PAPPA2: variants seen among roughly 807,000 people sequenced by gnomAD.
PAPPA2 encodes the protein pappalysin 2.
In PAPPA2, 86 loss-of-function variants were observed where a neutral mutation model predicts 176.4. The observed-to-expected ratio is 0.49, with a 90% confidence interval of 0.41 to 0.58. PAPPA2 has a LOEUF of 0.58. Ranked by LOEUF, PAPPA2 falls within the 20% of genes least tolerant of loss-of-function variation. The pLI is 0.00. For missense variants in PAPPA2, 2,073 were observed against 2,256.9 expected (o/e 0.92, Z 1.65); for synonymous variants, 809 against 852.2 (o/e 0.95, Z 0.88).
Position 176,705,784 on chromosome 1 carries a change from A to G in PAPPA2, c.3366-575A>G, listed in dbSNP as rs77476603. ...TAGCTGTAACCAGGTGGTAGTAGGG[A>G]GTAAAGACAGGGACCTGAGCCCTAA... On this transcript the variant is annotated intron_variant, in intron 9 of 22. Transcript: ENST00000367662. Among the ~76,000 whole-genome samples the G allele has an allele frequency of 3.9e-5, 6 of 152,320 alleles. 1 individual carries two copies. The East Asian group carries it at 1.2e-3, about 29-fold the overall frequency.
chr1:176,705,737 G>A (rs1175081882), intron 9 of PAPPA2, among the ~76,000 whole-genome samples: 1 of 152,078 alleles, frequency 6.6e-6, no homozygotes, highest in Non-Finnish European at 1.5e-5. Flanking sequence ...CTCAGCATTT[G>A]TTTCTTCCCT....
At chr1:176,528,103 G>A (rs182867253) in intron 1 of PAPPA2, among the ~76,000 whole-genome samples, 2 of 152,322 alleles carry the variant, frequency 1.3e-5, no homozygotes, top group East Asian at 3.9e-4. Context: ...GCCAAGCTTG[G>A]CATTCAAATG....
chr1:176,721,170 C>G (rs1486089225), intron 12 of PAPPA2, among the ~76,000 whole-genome samples: 1 of 152,178 alleles, frequency 6.6e-6, no homozygotes, highest in Non-Finnish European at 1.5e-5. Flanking sequence ...AATTTACCAT[C>G]ACAGTGAGCT....
chr1:176,723,022 A>G (rs1413766561), intron 12 of PAPPA2, among the ~76,000 whole-genome samples: 1 of 152,226 alleles, frequency 6.6e-6, no homozygotes, highest in African/African-American at 2.4e-5. Flanking sequence ...TAAGAAGTCT[A>G]AGAGCATGGT....
chr1:176,595,172 A>G lies in PAPPA2; in HGVS notation c.1568A>G (p.Lys523Arg). 6.2e-7 allele frequency: 1 copy of G among 1,614,218 alleles called. No homozygotes were observed. Among genetic ancestry groups the G allele is most frequent in the Non-Finnish European group, 8.5e-7 (1 of 1,180,040 alleles). ...GGATACTGGCCCCTTCGGGGAGAGAAGGTGATACGCTACCAGGTGGTGAAC... is the reference window on the plus strand; with the variant it reads ...GGATACTGGCCCCTTCGGGGAGAGAGGGTGATACGCTACCAGGTGGTGAAC... The part of the protein sequence containing the change: ...YNGYWPLRGE[K>R]VIRYQVVNIC... Residue 523 changes from lysine to arginine, a missense_variant, in exon 3 of 23, where the codon AAG (lysine) becomes AGG (arginine). Coordinates refer to ENST00000367662, the MANE Select transcript of PAPPA2 (RefSeq NM_020318.3).
Position 176,557,060 on chromosome 1 carries a change from C to G in PAPPA2, c.738C>G (p.Gly246=), listed in dbSNP as rs760018265. Residue 246 remains glycine (G), a synonymous_variant, in exon 2 of 23, where the codon GGC becomes GGG. Coordinates refer to ENST00000367662, the MANE Select transcript of PAPPA2 (RefSeq NM_020318.3). ...PEESNQNGGE[G]SYREAETFNS... is the part of the protein sequence containing the mutation. ...AAAGCAACCAAAATGGTGGAGAGGG[C>G]TCCTACCGAGAAGCAGAGACCTTTA... 8 of 1,614,004 alleles carry G rather than the reference C, an allele frequency of 5.0e-6. No homozygotes were observed. Among genetic ancestry groups the G allele is most frequent in the Non-Finnish European group, 6.8e-6 (8 of 1,180,018 alleles).
chr1:176,815,837 T>C (rs561793837), intron 21 of PAPPA2, among the ~76,000 whole-genome samples: 27 of 152,182 alleles, frequency 1.8e-4, no homozygotes, highest in African/African-American at 6.5e-4. Flanking sequence ...TGATCAGCCT[T>C]CCACTGAATC....
At chr1:176,683,701 A>G (rs1486225639) in intron 4 of PAPPA2, among the ~76,000 whole-genome samples, 2 of 152,062 alleles carry the variant, frequency 1.3e-5, no homozygotes, top group African/African-American at 2.4e-5. Context: ...GGTTCTCATC[A>G]CAGGGACACC....
At chr1:176,791,525 C>A (rs775795552) in intron 19 of PAPPA2, 43 bp downstream of exon 19, 2 of 1,576,934 alleles carry the variant, frequency 1.3e-6, no homozygotes, top group Non-Finnish European at 1.7e-6. Flanking sequence ...CTATGTCATT[C>A]TTTTATTAAG....
At chr1:176,670,567 T>C (rs1658935482) in intron 3 of PAPPA2, among the ~76,000 whole-genome samples, 1 of 152,166 alleles carries the variant, frequency 6.6e-6, no homozygotes, top group Non-Finnish European at 1.5e-5. Flanking sequence ...AATTCAAGGA[T>C]CATGCAGTGT....
intron 1 of PAPPA2, among the ~76,000 whole-genome samples, chr1:176,476,517 T>G (rs1308106149): frequency 6.6e-6 from 1 of 152,220 alleles, no homozygotes; most frequent in Non-Finnish European, 1.5e-5. Context: ...GGATGGAGTC[T>G]GAGTGGGCCA....
intron 3 of PAPPA2, among the ~76,000 whole-genome samples, chr1:176,642,735 G>A (rs1451985343): frequency 1.3e-5 from 2 of 152,004 alleles, no homozygotes; most frequent in Admixed American, 1.3e-4. Context: ...TGTATGTTAG[G>A]GGTAAGAATG....
rs923079693 is a variant in PAPPA2 at position 176,845,250 on chromosome 1, C to A, written c.*2796C>A. The stretch of plus-strand genomic sequence containing the variant: ...TGTGTTTGATTGTGCCCAGGTGGCC[C>A]AGGGCTAGCTGGCTCTAACAACTAG... On this transcript the variant is annotated 3_prime_UTR_variant, in exon 23 of 23. Transcript: ENST00000367662. 6.6e-6 allele frequency: 1 copy of A among 152,184 alleles called. No individual in the cohort carries two copies. The highest frequency in any genetic ancestry group is 2.4e-5 in the African/African-American group (1 of 41,420). The allele number at this position is 152,184 out of a possible 1,614,324, so 9.4% of individuals were successfully genotyped here.
chr1:176,810,908 G>C (rs1048708740), intron 21 of PAPPA2, among the ~76,000 whole-genome samples: 2 of 152,164 alleles, frequency 1.3e-5, no homozygotes, highest in African/African-American at 4.8e-5. Context: ...CAACACTAAG[G>C]TTGCTTCTCT....
At chr1:176,834,786 A>G (rs374825181) in intron 21 of PAPPA2, among the ~76,000 whole-genome samples, 2 of 152,158 alleles carry the variant, frequency 1.3e-5, no homozygotes, top group South Asian at 4.1e-4. Context: ...CCTGACCAAC[A>G]TGGTGAAACC....
intron 3 of PAPPA2, among the ~76,000 whole-genome samples, chr1:176,659,186 C>T (rs1658197523): frequency 6.6e-6 from 1 of 151,878 alleles, no homozygotes; most frequent in African/African-American, 2.4e-5. Context: ...TTTCTTAGGG[C>T]CGCTGTAACA....
chr1:176,599,038 G>C (rs561766064), intron 3 of PAPPA2, among the ~76,000 whole-genome samples: 1 of 151,966 alleles, frequency 6.6e-6, no homozygotes, highest in East Asian at 1.9e-4. Flanking sequence ...AGTTTGACTT[G>C]GTATAAAATT....
chr1:176,679,767 C>T (rs1455318225), intron 4 of PAPPA2, among the ~76,000 whole-genome samples: 5 of 152,098 alleles, frequency 3.3e-5, no homozygotes, highest in Non-Finnish European at 5.9e-5. Context: ...GAGCAAATGA[C>T]TCAGAAGTCA....
At chr1:176,750,456 T>A (rs1663113999) in intron 14 of PAPPA2, among the ~76,000 whole-genome samples, 1 of 151,984 alleles carries the variant, frequency 6.6e-6, no homozygotes. Flanking sequence ...AATACATAAA[T>A]TAGCCTGGTG....
Sources: gnomAD v4.1 joint callset for allele counts (sites outside exome capture counted in the v4.1 genomes callset) on GRCh38, gnomAD v4.1.1 for gene constraint, MANE v1.5 for transcripts, NCBI Gene and HGNC (gene_info 2026-07-23, HGNC 2026-07-21) for gene names.